Variants in RAF1 observed in about 807,000 individuals in gnomAD.
RAF1 encodes RAF proto-oncogene serine/threonine-protein kinase.
In RAF1, 27 loss-of-function variants were observed where a neutral mutation model predicts 81.1. The observed-to-expected ratio is 0.33, with a 90% CI of 0.25 to 0.46. The LOEUF is 0.46. Among genes scored for constraint, RAF1 ranks in the 20% least tolerant of loss-of-function variants. The pLI is 1.00. For missense variants in RAF1, 598 were observed against 826.0 expected (o/e 0.72, Z 3.38); for synonymous variants, 298 against 294.0 (o/e 1.01, Z -0.14).
intron 6 of RAF1, among the ~76,000 whole-genome samples, chr3:12,605,689 T>C (rs1318331240): frequency 6.6e-6 from 1 of 152,012 alleles, no homozygotes; most frequent in African/African-American, 2.4e-5. Context: ...GAAAACAGAG[T>C]AAAGAAAGAC....
chr3:12,586,482 C>G (rs2058337808), intron 14 of RAF1, among the ~76,000 whole-genome samples: 1 of 152,162 alleles, frequency 6.6e-6, no homozygotes, highest in South Asian at 2.1e-4. Context: ...CCCAGGAATT[C>G]ACACCTCCTT....
intron 1 of RAF1, among the ~76,000 whole-genome samples, chr3:12,645,795 G>C (rs569577923): frequency 6.6e-6 from 1 of 151,992 alleles, no homozygotes; most frequent in African/African-American, 2.4e-5. Context: ...GGCTAGTCTC[G>C]AACTCCTGGC....
At chr3:12,603,945 G>A (rs542717271) in intron 7 of RAF1, among the ~76,000 whole-genome samples, 191 bp downstream of exon 7, 120 of 152,256 alleles carry the variant, frequency 7.9e-4, no homozygotes, top group Non-Finnish European at 8.2e-4. Flanking sequence ...TTCTCCAGTT[G>A]AATGATATAC....
chr3:12,587,861 T>C, intron 13 of RAF1: 1 of 419,572 alleles, frequency 2.4e-6, no homozygotes. Context: ...TTTTGGAGAC[T>C]GGAGTGCAGT....
In RAF1 at chr3:12,600,171, G is replaced by C. The variant is rs2125380176; in HGVS notation, c.1031C>G (p.Thr344Ser). Reference sequence around the variant, plus strand: ...ACTCACAATTTTGTTTTTCTCCTGGGTCCCAGATACTGGTGCCCGCTCTCT... The same window carrying C: ...ACTCACAATTTTGTTTTTCTCCTGGCTCCCAGATACTGGTGCCCGCTCTCT... The change falls in exon 10 of 18, where the codon ACC becomes AGC. Residue 344 changes from threonine (T) to serine (S), a missense_variant. Physicochemically the swap from Thr to Ser is moderately conservative, Grantham distance 58. Transcript: ENST00000442415. The C allele has an allele frequency of 6.2e-7, 1 of 1,614,090 alleles. No individual in the cohort carries two copies. Among genetic ancestry groups the C allele is most frequent in the Non-Finnish European group, 8.5e-7 (1 of 1,180,028 alleles).
chr3:12,656,948 C>T (rs1257139534), intron 1 of RAF1, among the ~76,000 whole-genome samples: 1 of 149,730 alleles, frequency 6.7e-6, no homozygotes, highest in Non-Finnish European at 1.5e-5. Flanking sequence ...AGTGAACCAA[C>T]ATCACGCCAC....
intron 2 of RAF1, among the ~76,000 whole-genome samples, chr3:12,613,679 G>A (rs1388053879): frequency 1.3e-5 from 2 of 152,220 alleles, no homozygotes; most frequent in African/African-American, 4.8e-5. Flanking sequence ...GGCATAGTAT[G>A]TGGATGCAAA....
At chr3:12,591,974 A>T in intron 11 of RAF1, 182 bp from the exon 11 acceptor site, 2 of 637,500 alleles carry the variant, frequency 3.1e-6, no homozygotes, top group Non-Finnish European at 5.7e-6. Context: ...TCTAGGCTAG[A>T]GTGCAGTGGC....
chr3:12,604,336 C>T (rs1349929232), intron 6 of RAF1, 47 bp from the exon 7 acceptor site: 2 of 1,585,178 alleles, frequency 1.3e-6, no homozygotes, highest in Non-Finnish European at 8.6e-7. Context: ...GGCTTTCATA[C>T]TGGTGAAGTC....
intron 8 of RAF1, among the ~76,000 whole-genome samples, chr3:12,602,669 T>C (rs1162873270): frequency 6.6e-6 from 1 of 152,182 alleles, no homozygotes; most frequent in Non-Finnish European, 1.5e-5. Flanking sequence ...GAACAAACCA[T>C]TTAATAGAAG....
chr3:12,639,174 C>G (rs1009505319), intron 1 of RAF1, among the ~76,000 whole-genome samples: 1 of 152,132 alleles, frequency 6.6e-6, no homozygotes, highest in East Asian at 1.9e-4. Flanking sequence ...TTCAACAGCC[C>G]TTCATGCTAA....
At chr3:12,593,796 T>A (rs573699400) in intron 11 of RAF1, among the ~76,000 whole-genome samples, 1 of 149,564 alleles carries the variant, frequency 6.7e-6, no homozygotes, top group Admixed American at 6.7e-5. Flanking sequence ...CTTTTTTTTT[T>A]TTTTTTTTTC....
At chr3:12,635,593 G>C (rs2059996796) in intron 1 of RAF1, among the ~76,000 whole-genome samples, 1 of 142,192 alleles carries the variant, frequency 7.0e-6, no homozygotes, top group African/African-American at 2.6e-5. Context: ...CCGAGATCGT[G>C]CCATTGCACT....
chr3:12,641,034 T>C (rs1559475840), intron 1 of RAF1, among the ~76,000 whole-genome samples: 1 of 151,900 alleles, frequency 6.6e-6, no homozygotes. Context: ...TATGCAGCCA[T>C]AAAAAAGGAT....
At chr3:12,588,285 AGAGC>A (rs1480871274) in intron 13 of RAF1, 2 of 152,250 alleles carry the variant, frequency 1.3e-5, no homozygotes, top group Admixed American at 6.5e-5. Flanking sequence ...GCTAGGTCTA[AGAGC>A]CCAGGCACAC....
chr3:12,637,033 T>G (rs914218582), intron 1 of RAF1, among the ~76,000 whole-genome samples: 4 of 152,138 alleles, frequency 2.6e-5, no homozygotes, highest in African/African-American at 7.2e-5. Context: ...CAGTGAAGAA[T>G]GAATAAGATA....
At chr3:12,610,331 G>A (rs2059170472) in intron 3 of RAF1, among the ~76,000 whole-genome samples, 1 of 152,094 alleles carries the variant, frequency 6.6e-6, no homozygotes, top group South Asian at 2.1e-4. Flanking sequence ...TACCTATACA[G>A]CACCTGGAAA....
chr3:12,655,185 C>T lies in RAF1; in HGVS notation c.-27+8628G>A, dbSNP rs917687934. On this transcript the variant is annotated intron_variant, in intron 1 of 17. Transcript: ENST00000442415. ...GCAACCTCTGCCTCCCGAGTTCAAG[C>T]GATTCTCCTGCCTCAACCTCCCAAG... Among the ~76,000 whole-genome samples, 7 of 152,290 alleles carry T rather than the reference C, an allele frequency of 4.6e-5. No individual in the cohort carries two copies. The South Asian group carries it at 8.3e-4, about 18-fold the overall frequency.
chr3:12,614,589 C>G (rs2059315869), intron 2 of RAF1, among the ~76,000 whole-genome samples: 1 of 145,292 alleles, frequency 6.9e-6, no homozygotes, highest in Non-Finnish European at 1.5e-5. Context: ...CCACTTCTAG[C>G]TAATGTTTTT....
Sources: gnomAD v4.1 joint callset for allele counts (sites outside exome capture counted in the v4.1 genomes callset) on GRCh38, gnomAD v4.1.1 for gene constraint, MANE v1.5 for transcripts, NCBI Gene and HGNC (gene_info 2026-07-23, HGNC 2026-07-21) for gene names.